The following PARD3B variants were observed in gnomAD, a reference collection of about 807,000 sequenced individuals.
PARD3B encodes partitioning defective 3 homolog B.
A neutral mutation model predicts 130.2 loss-of-function variants in PARD3B; 103 were observed. That is an observed-to-expected ratio of 0.79 (90% confidence interval 0.67 to 0.93). PARD3B has a LOEUF of 0.93. PARD3B is among the 40% of genes least tolerant of loss of function. The probability of loss-of-function intolerance (pLI) is 0.00; values close to 1 mark genes in which losing one functional copy is unlikely to be tolerated. For synonymous variants in PARD3B, 583 were observed against 553.2 expected, an observed-to-expected ratio of 1.05 and a Z score of -0.76; for missense variants, 1,609 against 1,499.2, an observed-to-expected ratio of 1.07 and a Z score of -1.21.
chr2:205,200,489 C>T lies in PARD3B; in HGVS notation c.2140+7169C>T, dbSNP rs113743163. ...CTCTTCACAAATTTTCAAGAAATAC[C>T]GTCTTAGAGAATTGGGTGATAGATT... On this transcript the variant is annotated intron_variant, in intron 15 of 22. Transcript: ENST00000406610. Among the ~76,000 whole-genome samples the T allele has an allele frequency of 7.8e-3, 1,182 of 152,100 alleles. 16 individuals are homozygous for T. The highest frequency in any genetic ancestry group is 0.014 in the Middle Eastern group (4 of 294).
chr2:205,412,315 A>T (rs1330868241), intron 19 of PARD3B, among the ~76,000 whole-genome samples: 1 of 152,160 alleles, frequency 6.6e-6, no homozygotes, highest in Non-Finnish European at 1.5e-5. Flanking sequence ...CTGTGCACAG[A>T]AGTGGCACAG....
intron 2 of PARD3B, among the ~76,000 whole-genome samples, chr2:204,759,921 G>A (rs569207298): frequency 6.6e-6 from 1 of 152,170 alleles, no homozygotes; most frequent in Non-Finnish European, 1.5e-5. Flanking sequence ...CATTAGCAGA[G>A]TCTGGAACAT....
chr2:205,192,382 C>T (rs561448697), intron 14 of PARD3B, among the ~76,000 whole-genome samples: 5 of 152,160 alleles, frequency 3.3e-5, no homozygotes, highest in Middle Eastern at 3.4e-3. Context: ...AGATGAGCCA[C>T]CATATTTACT....
At chr2:205,235,729 G>T (rs1235877511) in intron 15 of PARD3B, among the ~76,000 whole-genome samples, 3 of 152,170 alleles carry the variant, frequency 2.0e-5, no homozygotes, top group Non-Finnish European at 2.9e-5. Context: ...TAAAAAGTGT[G>T]AATTGTTTAT....
chr2:204,881,612 A>G (rs114613988), intron 2 of PARD3B, among the ~76,000 whole-genome samples: 6,717 of 152,246 alleles, frequency 0.044, 202 homozygotes, highest in Middle Eastern at 0.096. Context: ...AACTTGGTAG[A>G]TGGTTGCCAA....
At chr2:205,443,240 C>G (rs1433068957) in intron 20 of PARD3B, among the ~76,000 whole-genome samples, 1 of 152,168 alleles carries the variant, frequency 6.6e-6, no homozygotes, top group Non-Finnish European at 1.5e-5. Context: ...GGCAGTTTCC[C>G]TAATAGTATC....
rs1574497770 is a variant in PARD3B at position 204,583,434 on chromosome 2, A to G, written c.120+37315A>G. On this transcript the variant is annotated intron_variant, in intron 1 of 22. Transcript: ENST00000406610. ...GGTGGGAATTGAACAATGAGATCAC[A>G]TGGTCACAGGAAGGGGAATATCACA... is the stretch of plus-strand genomic sequence containing the variant. Among the ~76,000 whole-genome samples the G allele has an allele frequency of 3.6e-5, 4 of 110,146 alleles. No homozygotes were observed. In the South Asian group the frequency reaches 1.6e-3, roughly 43 times the overall value. 72.3% of individuals were successfully genotyped at this position (110,146 alleles called of 152,430 possible).
chr2:205,430,479 C>G (rs1268755176), intron 19 of PARD3B, among the ~76,000 whole-genome samples: 1 of 152,186 alleles, frequency 6.6e-6, no homozygotes, highest in Non-Finnish European at 1.5e-5. Flanking sequence ...CTTAGTCATA[C>G]TAGCCACATT....
intron 2 of PARD3B, among the ~76,000 whole-genome samples, chr2:204,773,494 C>G (rs1289946038): frequency 6.6e-6 from 1 of 151,904 alleles, no homozygotes; most frequent in African/African-American, 2.4e-5. Context: ...TGGGAATAGT[C>G]ATAAATTTAC....
chr2:204,997,269 A>T (rs977696758), intron 3 of PARD3B, among the ~76,000 whole-genome samples: 4 of 152,204 alleles, frequency 2.6e-5, no homozygotes, highest in Non-Finnish European at 5.9e-5. Context: ...GGCCGGTTAA[A>T]TTTCAGAAGC....
rs2039341703 is a variant in PARD3B, at chr2:205,241,310, G to A, written c.2141-4468G>A. 6.6e-6 allele frequency among the ~76,000 whole-genome samples: 1 copy of A among 152,110 alleles called. No homozygotes were observed. The highest frequency in any genetic ancestry group is 6.6e-5 in the Admixed American group (1 of 15,260). ...TGAATTGAATATGAGGAAGCATGAGGTTAGTCTAGAAATCCTATTATCTAA... is the reference window on the plus strand; with the variant it reads ...TGAATTGAATATGAGGAAGCATGAGATTAGTCTAGAAATCCTATTATCTAA... On this transcript the variant is annotated intron_variant, in intron 15 of 22. Coordinates refer to ENST00000406610, the MANE Select transcript of PARD3B (RefSeq NM_001302769.2). This position sits in a 1 kb window ranked among gnomAD's most constrained non-coding sequence, Gnocchi z 4.2.
intron 18 of PARD3B, among the ~76,000 whole-genome samples, chr2:205,363,777 G>T (rs920289672): frequency 6.7e-6 from 1 of 149,584 alleles, no homozygotes; most frequent in South Asian, 2.1e-4. Context: ...CAATTCTTCT[G>T]CCTCAGCCTT....
intron 2 of PARD3B, among the ~76,000 whole-genome samples, chr2:204,827,668 T>G (rs2043636070): frequency 6.6e-6 from 1 of 152,338 alleles, no homozygotes; most frequent in Non-Finnish European, 1.5e-5. Context: ...AAAAATATGC[T>G]TTTGCTCGAA....
At chr2:204,596,027 A>C (rs781084592) in intron 1 of PARD3B, among the ~76,000 whole-genome samples, 7 of 152,214 alleles carry the variant, frequency 4.6e-5, no homozygotes, top group Non-Finnish European at 8.8e-5. Flanking sequence ...GCTGGGTGTA[A>C]AGACAATTAA....
chr2:204,597,700 G>C (rs1303806568), intron 1 of PARD3B, among the ~76,000 whole-genome samples: 1 of 152,162 alleles, frequency 6.6e-6, no homozygotes, highest in Non-Finnish European at 1.5e-5. Flanking sequence ...GTCCAGAGTA[G>C]AGCCTGGTAC....
At chr2:204,764,712 A>ATG (rs1387737555) in intron 2 of PARD3B, among the ~76,000 whole-genome samples, 4 of 43,078 alleles carry the variant, frequency 9.3e-5, no homozygotes, top group Admixed American at 2.5e-4. Flanking sequence ...TCTGGCATGC[A>ATG]TGCGTGTGTG....
At chr2:205,152,964 T>C (rs1018043958) in intron 10 of PARD3B, among the ~76,000 whole-genome samples, 2 of 152,218 alleles carry the variant, frequency 1.3e-5, no homozygotes, top group African/African-American at 4.8e-5. Flanking sequence ...TTTTTGTTGA[T>C]GTTGCTCCTA....
At chr2:205,338,167 A>AC (rs922069750) in intron 18 of PARD3B, among the ~76,000 whole-genome samples, 1 of 151,194 alleles carries the variant, frequency 6.6e-6, no homozygotes, top group Non-Finnish European at 1.5e-5. Context: ...AAAAAAAAAA[A>AC]AAAAAAAAAA....
At chr2:205,355,187 G>T (rs2044146985) in intron 18 of PARD3B, among the ~76,000 whole-genome samples, 1 of 152,132 alleles carries the variant, frequency 6.6e-6, no homozygotes, top group Non-Finnish European at 1.5e-5. Flanking sequence ...TATCATTTTT[G>T]AACAGTCCCA....
Sources: allele counts gnomAD v4.1 joint callset (sites outside exome capture counted in the v4.1 genomes callset), GRCh38; gene constraint gnomAD v4.1.1; non-coding constraint Gnocchi (gnomAD v3.1); transcripts MANE v1.5; gene names NCBI Gene and HGNC (gene_info 2026-07-23, HGNC 2026-07-21).